DLG2: variants seen among roughly 807,000 people sequenced by gnomAD.
DLG2 encodes disks large homolog 2.
DLG2 carries 45 observed loss-of-function variants against 132.5 expected under a neutral mutation model. The observed-to-expected ratio is 0.34, with a 90% confidence interval of 0.27 to 0.44. The LOEUF is 0.44. Ranked by LOEUF, DLG2 falls within the 20% of genes least tolerant of loss-of-function variation. The pLI is 1.00. For synonymous variants in DLG2, 424 were observed against 419.6 expected, an observed-to-expected ratio of 1.01 and a Z score of -0.13; for missense variants, 1,045 against 1,196.9, an observed-to-expected ratio of 0.87 and a Z score of 1.87.
At chr11:83,590,985 T>C (rs2097178033) in intron 19 of DLG2, among the ~76,000 whole-genome samples, 1 of 151,962 alleles carries the variant, frequency 6.6e-6, no homozygotes, top group Admixed American at 6.6e-5. Flanking sequence ...GAGCTGAAAT[T>C]GTGGCAATAA....
intron 19 of DLG2, chr11:83,632,888 GT>G (rs1185453542): frequency 3.6e-6 from 1 of 275,294 alleles, no homozygotes; most frequent in Non-Finnish European, 7.0e-6. Context: ...ATGTCCAAGG[GT>G]TTGGTCCACA....
chr11:84,344,498 T>C (rs1472634055), intron 7 of DLG2, among the ~76,000 whole-genome samples: 1 of 152,160 alleles, frequency 6.6e-6, no homozygotes, highest in Non-Finnish European at 1.5e-5. Context: ...TAGAACCAAC[T>C]CAGAGCTCTC....
chr11:84,494,604 G>A (rs1047995019), intron 7 of DLG2, among the ~76,000 whole-genome samples: 5 of 152,096 alleles, frequency 3.3e-5, no homozygotes, highest in African/African-American at 1.2e-4. Flanking sequence ...CAAGGGGTCC[G>A]GAAGTAGTAA....
intron 3 of DLG2, among the ~76,000 whole-genome samples, chr11:85,389,527 C>CA (rs2086625222): frequency 6.6e-6 from 1 of 151,946 alleles, no homozygotes; most frequent in Non-Finnish European, 1.5e-5. Flanking sequence ...AAATTAATTG[C>CA]AAAAAGAGCA....
At chr11:84,991,549 A>T (rs1566594023) in intron 6 of DLG2, among the ~76,000 whole-genome samples, 2 of 151,810 alleles carry the variant, frequency 1.3e-5, no homozygotes, top group Non-Finnish European at 2.9e-5. Context: ...GGAAGAAAGA[A>T]AAATAAAGAA....
chr11:83,589,587 G>A (rs897675363), intron 19 of DLG2, among the ~76,000 whole-genome samples: 7 of 145,606 alleles, frequency 4.8e-5, no homozygotes, highest in African/African-American at 7.6e-5. Flanking sequence ...ATCAACTAAC[G>A]AGCAAAATCA....
chr11:83,756,362 T>C (rs1413176673), intron 18 of DLG2, among the ~76,000 whole-genome samples: 1 of 151,476 alleles, frequency 6.6e-6, no homozygotes, highest in Admixed American at 6.6e-5. Flanking sequence ...GATATAAGAT[T>C]GCCAAATGCA....
chr11:84,064,066 A>G (rs1037696925), intron 10 of DLG2, among the ~76,000 whole-genome samples: 2 of 152,176 alleles, frequency 1.3e-5, no homozygotes, highest in Non-Finnish European at 2.9e-5. Context: ...TACATGTGTA[A>G]CAAACCTGCA....
At chr11:85,246,748 A>T (rs2076152876) in intron 4 of DLG2, among the ~76,000 whole-genome samples, 1 of 152,064 alleles carries the variant, frequency 6.6e-6, no homozygotes, top group Non-Finnish European at 1.5e-5. Flanking sequence ...TAGTTGTATA[A>T]TTGTAGTCAT....
chr11:84,354,103 G>A (rs922218018), intron 7 of DLG2, among the ~76,000 whole-genome samples: 1 of 152,080 alleles, frequency 6.6e-6, no homozygotes, highest in African/African-American at 2.4e-5. Flanking sequence ...ATTAATGAAG[G>A]TGTTGATTTA....
chr11:85,161,780 T>C (rs1248903152), intron 4 of DLG2, among the ~76,000 whole-genome samples: 1 of 152,174 alleles, frequency 6.6e-6, no homozygotes, highest in Non-Finnish European at 1.5e-5. Context: ...AAGTCACAAT[T>C]ACAACACCAA....
At chr11:83,594,530 A>C (rs779877099) in intron 19 of DLG2, among the ~76,000 whole-genome samples, 24 of 152,204 alleles carry the variant, frequency 1.6e-4, no homozygotes, top group Non-Finnish European at 2.8e-4. Flanking sequence ...TTTGGTCCAA[A>C]AAGCATAAAA....
intron 18 of DLG2, among the ~76,000 whole-genome samples, chr11:83,725,795 A>T (rs1030224632): frequency 2.0e-5 from 3 of 152,312 alleles, no homozygotes; most frequent in Admixed American, 6.5e-5. Flanking sequence ...CAAAGCACAG[A>T]TGTTGATATT....
At chr11:84,863,096 T>C (rs2084003922) in intron 6 of DLG2, among the ~76,000 whole-genome samples, 2 of 152,044 alleles carry the variant, frequency 1.3e-5, no homozygotes, top group South Asian at 4.1e-4. Context: ...ACCAATGAAA[T>C]AGCTGTACGT....
rs536389799 is a variant in DLG2 at position 84,226,897 on chromosome 11, C to G, written c.573+24341G>C. ...GGTCAGGAGATCGAGACCATCCTGG[C>G]CAACATGGTGAAACCCCGTCTCTAC... On this transcript the variant is annotated intron_variant, in intron 8 of 27. Transcript: ENST00000376104. Among the ~76,000 whole-genome samples the G allele has an allele frequency of 1.2e-3, 182 of 151,968 alleles. 1 individual carries two copies. The highest frequency in any genetic ancestry group is 4.1e-3 in the African/African-American group (169 of 41,470).
chr11:85,282,460 C>A (rs1265292800), intron 4 of DLG2, among the ~76,000 whole-genome samples: 2 of 151,800 alleles, frequency 1.3e-5, no homozygotes, highest in Non-Finnish European at 2.9e-5. Context: ...CAAAATATTG[C>A]ATGTACCCCA....
rs1461798570 is a variant in DLG2, at chr11:84,289,953, T to C, written c.520-38662A>G. ...ATCCAGAATATAGTAATGCATTACA[T>C]AAGGGGCTTGCAGATTTCATTAACA... On this transcript the variant is annotated intron_variant, in intron 7 of 27. Transcript: ENST00000376104. Among the ~76,000 whole-genome samples, 7 of 152,230 alleles carry C rather than the reference T, an allele frequency of 4.6e-5. No individual in the cohort carries two copies. The South Asian group carries it at 1.2e-3, about 27-fold the overall frequency.
At chr11:84,163,101 T>C (rs1226439607) in intron 9 of DLG2, among the ~76,000 whole-genome samples, 3 of 152,164 alleles carry the variant, frequency 2.0e-5, no homozygotes, top group African/African-American at 4.8e-5. Context: ...ATTATGATGA[T>C]AGTATCGATA....
chr11:85,596,767 G>A (rs1294483752), intron 3 of DLG2, among the ~76,000 whole-genome samples: 1 of 152,162 alleles, frequency 6.6e-6, no homozygotes, highest in Non-Finnish European at 1.5e-5. Flanking sequence ...TCTTCTCTAG[G>A]ATGCACAAGT....
Sources: gnomAD v4.1 joint callset for allele counts (sites outside exome capture counted in the v4.1 genomes callset) on GRCh38, gnomAD v4.1.1 for gene constraint, MANE v1.5 for transcripts, NCBI Gene and HGNC (gene_info 2026-07-23, HGNC 2026-07-21) for gene names.